PTPRT: variants seen among roughly 807,000 people sequenced by gnomAD.
PTPRT encodes protein tyrosine phosphatase receptor type T.
In PTPRT, 56 loss-of-function variants were observed where a neutral mutation model predicts 176.8. The observed-to-expected ratio is 0.32, with a 90% CI of 0.26 to 0.40. The LOEUF is 0.40. Among genes scored for constraint, PTPRT ranks in the 10% least tolerant of loss-of-function variants. The pLI is 1.00. For missense variants in PTPRT, 1,540 were observed against 1,908.2 expected (o/e 0.81, Z 3.60); for synonymous variants, 783 against 739.0 (o/e 1.06, Z -0.96).
intron 1 of PTPRT, among the ~76,000 whole-genome samples, chr20:43,089,768 C>G: frequency 6.6e-6 from 1 of 152,156 alleles, no homozygotes; most frequent in East Asian, 1.9e-4. Flanking sequence ...GGGCTGGCCT[C>G]CCCCAGTCTA....
At chr20:42,729,845 A>G (rs1600671151) in intron 6 of PTPRT, among the ~76,000 whole-genome samples, 1 of 152,158 alleles carries the variant, frequency 6.6e-6, no homozygotes, top group Non-Finnish European at 1.5e-5. Context: ...TTTGTGCTAC[A>G]CTCAGGATTC....
chr20:42,610,695 T>C (rs1049930477), intron 7 of PTPRT, among the ~76,000 whole-genome samples: 10 of 152,200 alleles, frequency 6.6e-5, no homozygotes, highest in Admixed American at 3.3e-4. Flanking sequence ...CTTTGTGAGA[T>C]AAAACTCACA....
intron 13 of PTPRT, among the ~76,000 whole-genome samples, chr20:42,268,562 G>C (rs2056878192): frequency 6.6e-6 from 1 of 152,194 alleles, no homozygotes; most frequent in South Asian, 2.1e-4. Context: ...GATAAGGTAG[G>C]GCTGGGGACT....
intron 14 of PTPRT, among the ~76,000 whole-genome samples, chr20:42,247,993 A>G (rs541810760): frequency 5.3e-5 from 8 of 152,302 alleles, no homozygotes; most frequent in African/African-American, 1.9e-4. Context: ...ACATCTTGGA[A>G]ATAAGGGAGG....
chr20:43,144,854 C>T lies in PTPRT; in HGVS notation c.88+44792G>A, dbSNP rs138828219. ...CACATCACTGCTTAAAATTTATAAG[C>T]AGCTTCCACTGCTCTGGGAATGCAG... On this transcript the variant is annotated intron_variant, in intron 1 of 30. Transcript: ENST00000373187. Among the ~76,000 whole-genome samples, 127 of 152,290 alleles carry T rather than the reference C, an allele frequency of 8.3e-4. 2 individuals carry two copies. The East Asian group carries it at 0.023, about 27-fold the overall frequency.
At chr20:42,834,965 TA>T (rs1450681904) in intron 2 of PTPRT, among the ~76,000 whole-genome samples, 1 of 152,198 alleles carries the variant, frequency 6.6e-6, no homozygotes, top group African/African-American at 2.4e-5. Flanking sequence ...ATATTTAAAT[TA>T]TTTTTTACCT....
At chr20:42,832,004 C>T (rs950740685) in intron 2 of PTPRT, among the ~76,000 whole-genome samples, 9 of 152,196 alleles carry the variant, frequency 5.9e-5, no homozygotes, top group African/African-American at 1.7e-4. Context: ...AACTATCATT[C>T]GACCCAGCAG....
At chr20:42,118,108 T>A (rs1445666980) in intron 21 of PTPRT, among the ~76,000 whole-genome samples, 1 of 152,196 alleles carries the variant, frequency 6.6e-6, no homozygotes, top group Non-Finnish European at 1.5e-5. Flanking sequence ...CAGTTGTAGA[T>A]ACAAGTAGGA....
At position 42,081,884 on chromosome 20, in the gene PTPRT, G is replaced by A; in HGVS notation, c.4270C>T (p.Leu1424=). ...RNNKSNMVET[L]EQYKFVYEVA... is the part of the protein sequence containing the mutation. ...AGAACAGTCCTTGGGATACTCACCA[G>A]GGTCTCCACCATGTTGGATTTGTTG... The change falls in exon 30 of 31, where the codon CTG becomes TTG. Residue 1424 remains leucine, a splice_region_variant and synonymous_variant. Coordinates refer to ENST00000373187, the MANE Select transcript of PTPRT (RefSeq NM_007050.6). The A allele has an allele frequency of 6.2e-7, 1 of 1,614,222 alleles. No homozygotes were observed. The highest frequency in any genetic ancestry group is 8.5e-7 in the Non-Finnish European group (1 of 1,180,034).
chr20:42,339,136 C>T (rs1030885464), intron 11 of PTPRT, among the ~76,000 whole-genome samples: 1 of 152,168 alleles, frequency 6.6e-6, no homozygotes, highest in Non-Finnish European at 1.5e-5. Flanking sequence ...TCTAGCCTTC[C>T]ACAAAAGAAC....
intron 3 of PTPRT, among the ~76,000 whole-genome samples, chr20:42,788,588 G>A (rs898786079): frequency 2.6e-5 from 4 of 152,070 alleles, no homozygotes. Flanking sequence ...CAGGATTGCG[G>A]GAGTCACCTG....
chr20:43,090,336 C>G lies in PTPRT; in HGVS notation c.88+99310G>C, dbSNP rs529021947. Among the ~76,000 whole-genome samples, 653 of 151,202 alleles carry G rather than the reference C, an allele frequency of 4.3e-3. 1 individual carries two copies. Among genetic ancestry groups the G allele is most frequent in the Non-Finnish European group, 7.5e-3 (509 of 67,900 alleles). ...AGGCTGGAGTGCAGTGGCGCCATCT[C>G]AGCTCACTGCAAGCTCCGCCTCCCG... On this transcript the variant is annotated intron_variant, in intron 1 of 30. Coordinates refer to ENST00000373187, the MANE Select transcript of PTPRT (RefSeq NM_007050.6).
Position 42,613,496 on chromosome 20 carries a change from T to C in PTPRT, c.1153+64370A>G, listed in dbSNP as rs919090640. 2.6e-5 allele frequency among the ~76,000 whole-genome samples: 4 copies of C among 152,348 alleles called. No homozygotes were observed. In the South Asian group the frequency reaches 6.2e-4, roughly 24 times the overall value. On this transcript the variant is annotated intron_variant, in intron 7 of 30. Coordinates refer to ENST00000373187, the MANE Select transcript of PTPRT (RefSeq NM_007050.6). ...CTTGAAACTTCCCTCTGAGAATATA[T>C]AAGATCTCTGGTTATCATATGTAAA...
chr20:42,184,517 TC>T (rs1388394629), intron 16 of PTPRT, among the ~76,000 whole-genome samples: 1 of 106,230 alleles, frequency 9.4e-6, no homozygotes, highest in African/African-American at 3.6e-5. Context: ...CTCCTCCTCC[TC>T]CTTCTTCTTC....
rs1437020095 is a variant in PTPRT, at chr20:42,743,637, G to A, written c.859+12825C>T. Among the ~76,000 whole-genome samples the A allele has an allele frequency of 1.8e-4, 27 of 152,206 alleles. 1 individual carries two copies. Among genetic ancestry groups the A allele is most frequent in the Admixed American group, 1.8e-3 (27 of 15,280 alleles). ...ACTTAAGTCTAATTAGCAGGAGAAT[G>A]AAGGCCACATCTCTTCTTAGGTAAA... On this transcript the variant is annotated intron_variant, in intron 6 of 30. Coordinates refer to ENST00000373187, the MANE Select transcript of PTPRT (RefSeq NM_007050.6).
intron 7 of PTPRT, among the ~76,000 whole-genome samples, chr20:42,481,946 C>T (rs1047723160): frequency 6.6e-6 from 1 of 152,144 alleles, no homozygotes; most frequent in African/African-American, 2.4e-5. Flanking sequence ...GATTGTAAGG[C>T]TCTTAATACC....
intron 21 of PTPRT, chr20:42,115,931 T>G: frequency 1.5e-6 from 1 of 671,504 alleles, no homozygotes; most frequent in Non-Finnish European, 2.8e-6. Context: ...GCAGTTCCTC[T>G]CTGACCCTGG....
chr20:43,153,887 G>C (rs769253217), intron 1 of PTPRT, among the ~76,000 whole-genome samples: 3 of 152,180 alleles, frequency 2.0e-5, no homozygotes, highest in Admixed American at 6.6e-5. Context: ...CAGGAAAGAG[G>C]AGCGAATGAA....
At chr20:42,544,144 C>T (rs1387133406) in intron 7 of PTPRT, among the ~76,000 whole-genome samples, 2 of 152,192 alleles carry the variant, frequency 1.3e-5, no homozygotes, top group South Asian at 2.1e-4. Flanking sequence ...TGAAGCCAGA[C>T]ATTTGTTTCT....
Sources: allele counts gnomAD v4.1 joint callset (sites outside exome capture counted in the v4.1 genomes callset), GRCh38; gene constraint gnomAD v4.1.1; transcripts MANE v1.5; gene names NCBI Gene and HGNC (gene_info 2026-07-23, HGNC 2026-07-21).